The following CIBAR1 variants were observed in gnomAD, a reference collection of about 807,000 sequenced individuals.
CIBAR1 encodes CBY1-interacting BAR domain-containing protein 1.
A neutral mutation model predicts 44.0 loss-of-function variants in CIBAR1; 25 were observed. The ratio of observed to expected loss-of-function variants is 0.57; its 90% confidence interval spans 0.41 to 0.79. CIBAR1 has a LOEUF of 0.79. Ranked by LOEUF, CIBAR1 falls within the 30% of genes least tolerant of loss-of-function variation. The pLI, the probability that CIBAR1 is intolerant of heterozygous loss-of-function variation, is 0.00. For missense variants in CIBAR1, 278 were observed against 344.8 expected (o/e 0.81, Z 1.53); for synonymous variants, 115 against 119.0 (o/e 0.97, Z 0.22).
At chr8:93,722,063 G>A (rs1357874211) in intron 7 of CIBAR1, among the ~76,000 whole-genome samples, 1 of 152,166 alleles carries the variant, frequency 6.6e-6, no homozygotes, top group Non-Finnish European at 1.5e-5. Context: ...AAACAGCACA[G>A]TATAGGGCAC....
At chr8:93,719,636 A>C (rs1011334450) in intron 7 of CIBAR1, 2 of 152,232 alleles carry the variant, frequency 1.3e-5, no homozygotes, top group African/African-American at 4.8e-5. Context: ...AAGCTATGAA[A>C]TAAATGTAGG....
In CIBAR1 at chr8:93,729,708, T is replaced by C. The variant is rs772425493; in HGVS notation, c.*1411T>C. The C allele has an allele frequency of 4.6e-5, 7 of 152,230 alleles. No individual in the cohort carries two copies. The highest frequency in any genetic ancestry group is 2.1e-4 in the South Asian group (1 of 4,834). 9.4% of individuals were successfully genotyped at this position (152,230 alleles called of 1,614,324 possible). On this transcript the variant is annotated 3_prime_UTR_variant, in exon 9 of 9. Coordinates refer to ENST00000518322, the MANE Select transcript of CIBAR1 (RefSeq NM_145269.5). The stretch of plus-strand genomic sequence containing the variant: ...AAGGGCCAGATAGCAAATACTGTTA[T>C]TCTTCGTGGGTTTAGGCAAATTCAA...
intron 7 of CIBAR1, among the ~76,000 whole-genome samples, chr8:93,721,584 T>G (rs1811264438): frequency 1.3e-5 from 2 of 152,206 alleles, no homozygotes; most frequent in South Asian, 4.1e-4. Flanking sequence ...GCAAGTTAAC[T>G]TCTTCGCTCT....
chr8:93,701,008 G>A, intron 1 of CIBAR1: 1 of 1,421,428 alleles, frequency 7.0e-7, no homozygotes, highest in Non-Finnish European at 9.1e-7. Flanking sequence ...TTAAGGCCAG[G>A]CCCACCCGGC....
In CIBAR1 at chr8:93,700,935, C is replaced by T. The variant is rs749082167; in HGVS notation, c.26+262C>T. 1.0e-3 allele frequency: 1,392 copies of T among 1,378,392 alleles called. 2 individuals carry two copies. Among genetic ancestry groups the T allele is most frequent in the South Asian group, 1.3e-3 (72 of 55,008 alleles). 85.4% of individuals were successfully genotyped at this position (1,378,392 alleles called of 1,614,324 possible). A position where few individuals can be genotyped will look rare whatever the true frequency, so the allele number is the denominator to read the frequency against. On this transcript the variant is annotated intron_variant, in intron 1 of 8. Transcript: ENST00000518322. Reference sequence around the variant, plus strand: ...ACACTGCCGCGGGCAGTGCGGAAGCCTAGGAGGCAGCCGGGCGCCCAGGCC... The same window carrying T: ...ACACTGCCGCGGGCAGTGCGGAAGCTTAGGAGGCAGCCGGGCGCCCAGGCC...
At chr8:93,713,026 T>TTTC (rs1488459081) in intron 6 of CIBAR1, among the ~76,000 whole-genome samples, 6 of 3,824 alleles carry the variant, frequency 1.6e-3, no homozygotes, top group Non-Finnish European at 2.4e-3. Flanking sequence ...TTTTTCTCCT[T>TTTC]TTTTTTCTTT....
intron 6 of CIBAR1, 90 bp downstream of exon 6, chr8:93,709,965 C>T (rs1266012100): frequency 9.0e-6 from 8 of 890,552 alleles, no homozygotes; most frequent in Non-Finnish European, 1.4e-5. Flanking sequence ...ATTTTTTAGC[C>T]CATAATACCC....
intron 5 of CIBAR1, 123 bp from the exon 6 acceptor site, chr8:93,709,648 T>A: frequency 1.4e-6 from 1 of 735,126 alleles, no homozygotes; most frequent in Non-Finnish European, 2.4e-6. Flanking sequence ...AAATATAATA[T>A]TAACAATTTA....
chr8:93,704,846 A>G, intron 3 of CIBAR1, 63 bp from the exon 4 acceptor site: 2 of 952,304 alleles, frequency 2.1e-6, no homozygotes, highest in East Asian at 2.5e-5. Flanking sequence ...GAATTCTTCC[A>G]TTCTTAAAAC....
intron 1 of CIBAR1, 181 bp from the exon 2 acceptor site, chr8:93,701,043 A>C: frequency 6.9e-7 from 1 of 1,448,618 alleles, no homozygotes; most frequent in Non-Finnish European, 9.1e-7. Context: ...GTGCCTACAC[A>C]GTCCGGATAG....
intron 8 of CIBAR1, among the ~76,000 whole-genome samples, chr8:93,727,571 C>T (rs1040636334): frequency 1.3e-5 from 2 of 152,074 alleles, no homozygotes; most frequent in Admixed American, 6.6e-5. Flanking sequence ...TATATTGTGA[C>T]GACATCAAGC....
At chr8:93,713,103 G>T (rs990480420) in intron 6 of CIBAR1, among the ~76,000 whole-genome samples, 3 of 148,652 alleles carry the variant, frequency 2.0e-5, no homozygotes, top group Non-Finnish European at 3.0e-5. Context: ...CGCGATCTCG[G>T]CTCACTGCAA....
chr8:93,720,708 T>A (rs558290644), intron 7 of CIBAR1: 1 of 152,116 alleles, frequency 6.6e-6, no homozygotes, highest in African/African-American at 2.4e-5. Context: ...CCATCTCTAC[T>A]AAAAATACAA....
At chr8:93,712,106 T>C (rs2914943) in intron 6 of CIBAR1, among the ~76,000 whole-genome samples, 9,443 of 152,286 alleles carry the variant, frequency 0.062, 344 homozygotes, top group Middle Eastern at 0.14. Flanking sequence ...TTTAAAAACA[T>C]TGGGCTATAA....
chr8:93,701,746 T>G, intron 2 of CIBAR1: 1 of 398,984 alleles, frequency 2.5e-6, no homozygotes. Flanking sequence ...GTGGGAATAG[T>G]ACCCAGGGGG....
Position 93,700,646 on chromosome 8 carries a change from G to A in CIBAR1, c.-2G>A. ...AAGGTCCCCGGCCGTGCGCGAGGCAGCATGATGAGGCGCACCCTGGAAAAC... is the reference window on the plus strand; with the variant it reads ...AAGGTCCCCGGCCGTGCGCGAGGCAACATGATGAGGCGCACCCTGGAAAAC... On this transcript the variant is annotated 5_prime_UTR_variant, in exon 1 of 9. Coordinates refer to ENST00000518322, the MANE Select transcript of CIBAR1 (RefSeq NM_145269.5). The A allele has an allele frequency of 6.7e-7, 1 of 1,502,008 alleles. No homozygotes were observed. Among genetic ancestry groups the A allele is most frequent in the Non-Finnish European group, 8.9e-7 (1 of 1,126,350 alleles). The allele number at this position is 1,502,008 out of a possible 1,614,324, so 93.0% of individuals were successfully genotyped here. A position where few individuals can be genotyped will look rare whatever the true frequency, so the allele number is the denominator to read the frequency against.
Position 93,726,245 on chromosome 8 carries a change from GTCTTT to G in CIBAR1, c.658-142_658-138del, listed in dbSNP as rs1454888634. 1.5e-5 allele frequency: 10 copies of G among 646,974 alleles called. No individual in the cohort carries two copies. The African/African-American group carries it at 1.7e-4, about 11-fold the overall frequency. The allele number at this position is 646,974 out of a possible 1,614,324, so 40.1% of individuals were successfully genotyped here. A position where few individuals can be genotyped will look rare whatever the true frequency, so the allele number is the denominator to read the frequency against. ...TTCATCTTTCTAGCTTATTTTTGTT[GTCTTT>G]TCTTTTACATTTACAATAATTGGAA... On this transcript the variant is annotated intron_variant, in intron 7 of 8. Transcript: ENST00000518322.
At chr8:93,710,370 CAG>C (rs756632922) in intron 6 of CIBAR1, among the ~76,000 whole-genome samples, 1 of 148,218 alleles carries the variant, frequency 6.7e-6, no homozygotes, top group Non-Finnish European at 1.5e-5. Context: ...TTAGTAGAAA[CAG>C]TGATATATAA....
chr8:93,726,296 T>C lies in CIBAR1; in HGVS notation c.658-98T>C, dbSNP rs1161028850. 3.7e-6 allele frequency: 4 copies of C among 1,084,954 alleles called. No individual in the cohort carries two copies. In the Admixed American group the frequency reaches 9.3e-5, roughly 25 times the overall value. The allele number at this position is 1,084,954 out of a possible 1,614,324, so 67.2% of individuals were successfully genotyped here. The stretch of plus-strand genomic sequence containing the variant: ...TGGAATTTTGTCCATTTGGGGGGAG[T>C]TGTTTTTTTAAAAAAAAATCTTAAC... On this transcript the variant is annotated intron_variant, in intron 7 of 8. Transcript: ENST00000518322.
Sources: gnomAD v4.1 joint callset for allele counts (sites outside exome capture counted in the v4.1 genomes callset) on GRCh38, gnomAD v4.1.1 for gene constraint, MANE v1.5 for transcripts, NCBI Gene and HGNC (gene_info 2026-07-23, HGNC 2026-07-21) for gene names.